ULK2: variants seen among roughly 807,000 people sequenced by gnomAD.
ULK2 encodes unc-51 like autophagy activating kinase 2.
ULK2 carries 76 observed loss-of-function variants against 127.5 expected under a neutral mutation model. The ratio of observed to expected loss-of-function variants is 0.60; its 90% confidence interval spans 0.50 to 0.72. ULK2 has a LOEUF of 0.72. Among genes scored for constraint, ULK2 ranks in the 30% least tolerant of loss-of-function variants. The pLI is 0.00. For synonymous variants in ULK2, 452 were observed against 461.9 expected (o/e 0.98, Z 0.28); for missense variants, 1,144 against 1,295.9 (o/e 0.88, Z 1.80).
At position 19,783,828 on chromosome 17, in the gene ULK2, A is replaced by C; in HGVS notation, c.2329T>G (p.Phe777Val). Residue 777 changes from phenylalanine (F) to valine (V), a missense_variant, in exon 22 of 27, where the codon TTC becomes GTC. Transcript: ENST00000395544. ...TCTGCTCCTGGAGGGGAAGAGCCGA[A>C]GCCTGGGCCAGGCGGGGACCCCACG... Reference protein sequence around the residue: ...VCVGSPPGPGFGSSPPGAEAA... With the variant: ...VCVGSPPGPGVGSSPPGAEAA... 6.2e-7 allele frequency: 1 copy of C among 1,601,212 alleles called. No individual in the cohort carries two copies. The highest frequency in any genetic ancestry group is 8.5e-7 in the Non-Finnish European group (1 of 1,173,754).
At chr17:19,826,081 A>T (rs2041288774) in intron 11 of ULK2, 58 bp downstream of exon 11, 2 of 1,018,164 alleles carry the variant, frequency 2.0e-6, no homozygotes, top group South Asian at 2.7e-5. Flanking sequence ...AAAATCATTA[A>T]TTTTTCCTAA....
chr17:19,801,056 T>C (rs142172098), intron 16 of ULK2, among the ~76,000 whole-genome samples: 133 of 152,294 alleles, frequency 8.7e-4, no homozygotes, highest in African/African-American at 3.0e-3. Context: ...ACCACATGCC[T>C]ACCAGAACTG....
chr17:19,797,621 G>A lies in ULK2; in HGVS notation c.1584C>T (p.Ser528=), dbSNP rs138351757. The change falls in exon 18 of 27, where the codon AGC becomes AGT. Residue 528 remains serine (S), a synonymous_variant. Transcript: ENST00000395544. The part of the protein sequence containing the change: ...QSLLSGARLQ[S]APTLTDIYQN... ...GATAGATGTCAGTGAGGGTGGGGGC[G>A]CTCTGCAGTCTAGCACCCGATAAGA... The A allele has an allele frequency of 3.2e-5, 52 of 1,612,010 alleles. No individual in the cohort carries two copies. Among genetic ancestry groups the A allele is most frequent in the East Asian group, 2.5e-4 (11 of 44,768 alleles).
intron 8 of ULK2, among the ~76,000 whole-genome samples, chr17:19,842,190 CTTTTT>C (rs869294657): frequency 2.3e-5 from 2 of 88,394 alleles, no homozygotes; most frequent in Non-Finnish European, 4.4e-5. Context: ...TTTTCTTTTT[CTTTTT>C]TTTTTTTTTT....
In ULK2 at chr17:19,770,948, G is replaced by T; in HGVS notation, c.*5401C>A. The T allele has an allele frequency of 6.6e-6, 1 of 152,352 alleles. No individual in the cohort carries two copies. The allele number at this position is 152,352 out of a possible 1,614,324, so 9.4% of individuals were successfully genotyped here. A position where few individuals can be genotyped will look rare whatever the true frequency, so the allele number is the denominator to read the frequency against. ...CTCCAACTCCAGGCCCCATGGGGTT[G>T]CACCAAGCTGCTCAACCTCACCTGT... On this transcript the variant is annotated 3_prime_UTR_variant, in exon 27 of 27. Coordinates refer to ENST00000395544, the MANE Select transcript of ULK2 (RefSeq NM_014683.4).
At chr17:19,813,816 G>A (rs944751617) in intron 13 of ULK2, among the ~76,000 whole-genome samples, 1 of 152,122 alleles carries the variant, frequency 6.6e-6, no homozygotes, top group African/African-American at 2.4e-5. Flanking sequence ...AATAAGTGGA[G>A]AAATACACAT....
intron 3 of ULK2, chr17:19,855,892 G>C (rs2042116651): frequency 6.6e-6 from 1 of 152,158 alleles, no homozygotes; most frequent in Admixed American, 6.6e-5. Flanking sequence ...GCACAGGCCT[G>C]TAATCACAGC....
At chr17:19,857,436 C>G (rs1270639676) in intron 3 of ULK2, among the ~76,000 whole-genome samples, 1 of 151,616 alleles carries the variant, frequency 6.6e-6, no homozygotes, top group East Asian at 1.9e-4. Flanking sequence ...AAATATTATT[C>G]TGAGACTGTT....
intron 12 of ULK2, among the ~76,000 whole-genome samples, chr17:19,818,167 C>T (rs1044519059): frequency 6.6e-6 from 1 of 151,766 alleles, no homozygotes; most frequent in African/African-American, 2.4e-5. Flanking sequence ...CTAAAAAATA[C>T]AAAAAATTAG....
intron 17 of ULK2, among the ~76,000 whole-genome samples, chr17:19,798,885 G>A (rs748871828): frequency 2.0e-5 from 3 of 151,966 alleles, no homozygotes; most frequent in East Asian, 1.9e-4. Flanking sequence ...TTAATCAGCC[G>A]GGCATGGTGG....
At chr17:19,814,169 A>G (rs891684450) in intron 13 of ULK2, among the ~76,000 whole-genome samples, 3 of 151,964 alleles carry the variant, frequency 2.0e-5, no homozygotes, top group Non-Finnish European at 4.4e-5. Flanking sequence ...AATATTTAAT[A>G]AATAGGACAT....
chr17:19,794,436 C>T (rs1281917286), intron 20 of ULK2, among the ~76,000 whole-genome samples: 1 of 151,878 alleles, frequency 6.6e-6, no homozygotes, highest in Non-Finnish European at 1.5e-5. Flanking sequence ...CAGAAAACAC[C>T]AAGCAGAATG....
chr17:19,812,941 G>A (rs2087675347), intron 13 of ULK2, among the ~76,000 whole-genome samples: 1 of 152,096 alleles, frequency 6.6e-6, no homozygotes, highest in Non-Finnish European at 1.5e-5. Context: ...ATTCATACTT[G>A]GGACAGAGTA....
intron 16 of ULK2, among the ~76,000 whole-genome samples, chr17:19,801,398 CTT>C (rs2087394409): frequency 6.6e-6 from 1 of 151,958 alleles, no homozygotes; most frequent in Admixed American, 6.6e-5. Flanking sequence ...CATAGTGAAA[CTT>C]TGTCTCCGTA....
intron 14 of ULK2, among the ~76,000 whole-genome samples, chr17:19,808,591 TAACTC>T (rs2087562709): frequency 1.3e-5 from 2 of 152,022 alleles, no homozygotes; most frequent in South Asian, 4.2e-4. Flanking sequence ...AAAACCCAAA[TAACTC>T]AATTTAAAAA....
At chr17:19,803,340 T>A (rs1243991792) in intron 15 of ULK2, among the ~76,000 whole-genome samples, 1 of 152,182 alleles carries the variant, frequency 6.6e-6, no homozygotes, top group Non-Finnish European at 1.5e-5. Flanking sequence ...ATTAAGGACA[T>A]TCTTTTGTAC....
chr17:19,815,408 G>A (rs1244185625), intron 13 of ULK2, among the ~76,000 whole-genome samples: 2 of 151,904 alleles, frequency 1.3e-5, no homozygotes, highest in Admixed American at 6.6e-5. Context: ...TCAGCCTCCC[G>A]AGTAGCTGGG....
In ULK2 at chr17:19,776,371, C is replaced by A; in HGVS notation, c.3089G>T (p.Cys1030Phe). Residue 1030 changes from cysteine (C) to phenylalanine (F), a missense_variant, in exon 27 of 27, where the codon TGC becomes TTC. By Grantham distance (205) the Cys-to-Phe change is radical. This residue lies in a region of ULK2 where 913 missense variants were observed against 970.5 expected (regional missense o/e 0.94). Transcript: ENST00000395544. ...CSIERRLSAL[C>F]HSTATV ...TGCTCACACGGTTGCGGTGCTATGG[C>A]AGAGCGCCGACAGTCTTCTCTCAAT... 1.2e-6 allele frequency: 2 copies of A among 1,605,790 alleles called. No individual in the cohort carries two copies. The highest frequency in any genetic ancestry group is 1.7e-6 in the Non-Finnish European group (2 of 1,176,354).
intron 10 of ULK2, among the ~76,000 whole-genome samples, chr17:19,835,371 A>G (rs955483133): frequency 2.0e-5 from 3 of 150,636 alleles, no homozygotes; most frequent in Admixed American, 6.6e-5. Context: ...ATGAGCCACC[A>G]CACCCGGCCT....
Sources: gnomAD v4.1 joint callset for allele counts (sites outside exome capture counted in the v4.1 genomes callset) on GRCh38, gnomAD v4.1.1 for gene constraint, gnomAD v4.1.1 regional missense constraint, MANE v1.5 for transcripts, NCBI Gene and HGNC (gene_info 2026-07-23, HGNC 2026-07-21) for gene names.